SLIT2: variants seen among roughly 807,000 people sequenced by gnomAD.
SLIT2 encodes slit guidance ligand 2.
Under a neutral mutation model 185.7 loss-of-function variants are expected in SLIT2, and 41 were observed. The ratio of observed to expected loss-of-function variants is 0.22; its 90% CI spans 0.17 to 0.29. SLIT2 has a LOEUF of 0.29. Ranked by LOEUF, SLIT2 falls within the 10% of genes least tolerant of loss-of-function variation. The probability of loss-of-function intolerance (pLI) is 1.00; values close to 1 mark genes in which losing one functional copy is unlikely to be tolerated. For synonymous variants in SLIT2, 693 were observed against 680.2 expected (o/e 1.02, Z -0.29); for missense variants, 1,571 against 1,909.0 (o/e 0.82, Z 3.30).
chr4:20,318,637 A>ATT (rs76475618), intron 4 of SLIT2, among the ~76,000 whole-genome samples: 1 of 151,026 alleles, frequency 6.6e-6, no homozygotes, highest in Admixed American at 6.6e-5. Context: ...TACATGAGTC[A>ATT]TTTTTTTTTC....
At chr4:20,438,256 T>C (rs1429206492) in intron 4 of SLIT2, among the ~76,000 whole-genome samples, 2 of 152,164 alleles carry the variant, frequency 1.3e-5, no homozygotes, top group Non-Finnish European at 2.9e-5. Flanking sequence ...ATTTTCATGG[T>C]GTTGATAAAG....
chr4:20,404,875 G>C lies in SLIT2; in HGVS notation c.396-62877G>C, dbSNP rs549808121. ...TTACTCACAAGATCGTATGAGTCCA[G>C]ATGACTAGAAATAGCATTTAAAGGG... On this transcript the variant is annotated intron_variant, in intron 4 of 36. Coordinates refer to ENST00000504154, the MANE Select transcript of SLIT2 (RefSeq NM_004787.4). 2.6e-5 allele frequency among the ~76,000 whole-genome samples: 4 copies of C among 152,072 alleles called. No individual in the cohort carries two copies. The East Asian group carries it at 7.7e-4, about 29-fold the overall frequency.
Position 20,253,559 on chromosome 4 carries a change from C to G in SLIT2, c.-257C>G, listed in dbSNP as rs1199877701. The G allele has an allele frequency of 3.6e-6, 2 of 555,962 alleles. No individual in the cohort carries two copies. Among genetic ancestry groups the G allele is most frequent in the African/African-American group, 3.8e-5 (2 of 52,916 alleles). The allele number at this position is 555,962 out of a possible 1,614,324, so 34.4% of individuals were successfully genotyped here. Reference sequence around the variant, plus strand: ...TCTTGGGGTCTCCTTGCAGCCCTGGCCAGGCGGATTCATCCTCAGGACCTA... The same window carrying G: ...TCTTGGGGTCTCCTTGCAGCCCTGGGCAGGCGGATTCATCCTCAGGACCTA... On this transcript the variant is annotated 5_prime_UTR_variant, in exon 1 of 37. Coordinates refer to ENST00000504154, the MANE Select transcript of SLIT2 (RefSeq NM_004787.4).
At chr4:20,324,941 A>G (rs1417874497) in intron 4 of SLIT2, among the ~76,000 whole-genome samples, 1 of 152,028 alleles carries the variant, frequency 6.6e-6, no homozygotes, top group Non-Finnish European at 1.5e-5. Flanking sequence ...CGTTAATTAT[A>G]TTTTGCTTTT....
chr4:20,410,353 A>T (rs1727143815), intron 4 of SLIT2, among the ~76,000 whole-genome samples: 1 of 143,964 alleles, frequency 6.9e-6, no homozygotes, highest in Non-Finnish European at 1.5e-5. Flanking sequence ...GGTTCAAGCG[A>T]TTCTACTGCC....
At chr4:20,603,729 T>C (rs1728580845) in intron 33 of SLIT2, among the ~76,000 whole-genome samples, 4 of 152,180 alleles carry the variant, frequency 2.6e-5, no homozygotes, top group African/African-American at 7.2e-5. Flanking sequence ...TTCTGTCACC[T>C]ACTGTTACAT....
intron 4 of SLIT2, among the ~76,000 whole-genome samples, chr4:20,371,497 A>G (rs535964885): frequency 6.6e-6 from 1 of 152,226 alleles, no homozygotes. Flanking sequence ...TCTTTAAAGC[A>G]CATGGAGGTG....
At chr4:20,472,289 TATATAG>T (rs1715216038) in intron 5 of SLIT2, among the ~76,000 whole-genome samples, 1 of 29,364 alleles carries the variant, frequency 3.4e-5, no homozygotes, top group East Asian at 2.3e-3. Flanking sequence ...TATATATAGA[TATATAG>T]ATATATAGAT....
intron 30 of SLIT2, 122 bp downstream of exon 30, chr4:20,589,859 A>T: frequency 1.8e-6 from 1 of 563,760 alleles, no homozygotes; most frequent in Non-Finnish European, 3.2e-6. Flanking sequence ...CCTATTCACT[A>T]GTATCAGTGA....
At chr4:20,587,417 T>C (rs1727152549) in intron 29 of SLIT2, among the ~76,000 whole-genome samples, 1 of 152,214 alleles carries the variant, frequency 6.6e-6, no homozygotes, top group Admixed American at 6.5e-5. Flanking sequence ...ATCTCAGTAA[T>C]GATTATTGCT....
Position 20,542,590 on chromosome 4 carries a change from T to A in SLIT2, c.2240T>A (p.Val747Asp). The A allele has an allele frequency of 6.2e-7, 1 of 1,613,904 alleles. No homozygotes were observed. Among genetic ancestry groups the A allele is most frequent in the South Asian group, 1.1e-5 (1 of 91,066 alleles). Residue 747 changes from valine to aspartate, a missense_variant, in exon 21 of 37, where the codon GTC (valine) becomes GAC (aspartate). This residue lies in a region of SLIT2 where 1,202 missense variants were observed against 1,416.4 expected (regional missense o/e 0.85). Coordinates refer to ENST00000504154, the MANE Select transcript of SLIT2 (RefSeq NM_004787.4). Reference sequence around the variant, plus strand: ...CGATGTAGCAACAAGGGTTTGAAGGTCTTGCCGAAAGGTATTCCAAGAGAT... The same window carrying A: ...CGATGTAGCAACAAGGGTTTGAAGGACTTGCCGAAAGGTATTCCAAGAGAT... ...VVRCSNKGLK[V>D]LPKGIPRDVT... is the part of the protein sequence containing the mutation.
At chr4:20,493,111 G>T (rs563838442) in intron 9 of SLIT2, among the ~76,000 whole-genome samples, 1 of 152,178 alleles carries the variant, frequency 6.6e-6, no homozygotes, top group South Asian at 2.1e-4. Flanking sequence ...TTATAACTTG[G>T]GAAGAGACAG....
chr4:20,286,366 C>A (rs1715265705), intron 4 of SLIT2, among the ~76,000 whole-genome samples: 1 of 152,154 alleles, frequency 6.6e-6, no homozygotes, highest in African/African-American at 2.4e-5. Context: ...CCACTTTCAA[C>A]TTCTGTCAGT....
Position 20,344,434 on chromosome 4 carries a change from C to G in SLIT2, c.395+75553C>G, listed in dbSNP as rs150134372. On this transcript the variant is annotated intron_variant, in intron 4 of 36. Coordinates refer to ENST00000504154, the MANE Select transcript of SLIT2 (RefSeq NM_004787.4). ...CCAAGATTTTGATATTTCTCTCGGT[C>G]TCTCTCTTTCATTCTCTCTGTCTTT... Among the ~76,000 whole-genome samples the G allele has an allele frequency of 3.7e-3, 565 of 152,188 alleles. 1 individual carries two copies. Among genetic ancestry groups the G allele is most frequent in the Middle Eastern group, 0.017 (5 of 294 alleles).
At chr4:20,573,341 T>C (rs988707346) in intron 29 of SLIT2, 1 of 700,798 alleles carries the variant, frequency 1.4e-6, no homozygotes, top group Admixed American at 2.0e-5. Flanking sequence ...TCACTGCGGG[T>C]ACACAGTAAA....
chr4:20,546,136 A>G (rs1723231661), intron 22 of SLIT2, 37 bp downstream of exon 22: 3 of 1,190,172 alleles, frequency 2.5e-6, no homozygotes, highest in Middle Eastern at 1.9e-4. Flanking sequence ...GACTTACTCT[A>G]TTTCCAGAAA....
At chr4:20,501,973 T>C (rs477648) in intron 9 of SLIT2, among the ~76,000 whole-genome samples, 115,009 of 151,630 alleles carry the variant, frequency 0.76, 43,906 homozygotes, top group East Asian at 0.95. Flanking sequence ...CATTTATATT[T>C]TTTTTTTGCA....
chr4:20,525,334 A>G (rs1477855964), intron 15 of SLIT2, among the ~76,000 whole-genome samples, 162 bp downstream of exon 15: 2 of 148,356 alleles, frequency 1.3e-5, no homozygotes, highest in Non-Finnish European at 3.0e-5. Context: ...TGAAATCCTG[A>G]CCTTTGCATG....
Position 20,546,405 on chromosome 4 carries a change from T to C in SLIT2, c.2345+306T>C, listed in dbSNP as rs113030339. Among the ~76,000 whole-genome samples the C allele has an allele frequency of 2.9e-3, 439 of 152,256 alleles. 6 individuals carry two copies. Among genetic ancestry groups the C allele is most frequent in the African/African-American group, 0.01 (426 of 41,574 alleles). On this transcript the variant is annotated intron_variant, in intron 22 of 36. Transcript: ENST00000504154. Reference sequence around the variant, plus strand: ...TTTTATTGATAATGAATATGGGTTATTTTATGACAAACTAAGGAAGGAAAG... The same window carrying C: ...TTTTATTGATAATGAATATGGGTTACTTTATGACAAACTAAGGAAGGAAAG...
Sources: allele counts gnomAD v4.1 joint callset (sites outside exome capture counted in the v4.1 genomes callset), GRCh38; gene constraint gnomAD v4.1.1; regional missense constraint gnomAD v4.1.1; transcripts MANE v1.5; gene names NCBI Gene and HGNC (gene_info 2026-07-23, HGNC 2026-07-21).